CCDC137: variants seen among roughly 807,000 people sequenced by gnomAD.
CCDC137 encodes the protein coiled-coil domain containing 137, also known as coiled-coil domain-containing protein 137.
CCDC137 carries 24 observed loss-of-function variants against 30.4 expected under a neutral mutation model. The observed-to-expected ratio is 0.79, with a 90% CI of 0.57 to 1.11. The LOEUF is 1.11. CCDC137 is among the 50% of genes least tolerant of loss of function. CCDC137 has a pLI of 0.00. For synonymous variants in CCDC137, 182 were observed against 155.7 expected (o/e 1.17, Z -1.26); for missense variants, 417 against 380.4 (o/e 1.10, Z -0.80).
At chr17:81,671,966 T>G in intron 4 of CCDC137, 110 bp from the exon 5 acceptor site, 1 of 1,453,094 alleles carries the variant, frequency 6.9e-7, no homozygotes, top group Non-Finnish European at 9.6e-7. Flanking sequence ...ACTGGATGAG[T>G]TGGTGTTCTG....
At chr17:81,667,699 C>G in intron 1 of CCDC137, 30 bp from the exon 2 acceptor site, 1 of 1,611,154 alleles carries the variant, frequency 6.2e-7, no homozygotes, top group African/African-American at 1.3e-5. Flanking sequence ...TTACTTGGGA[C>G]GGGTCTCACC....
At chr17:81,672,411 C>T (rs1057478132) in intron 5 of CCDC137, 84 bp from the exon 6 acceptor site, 52 of 1,319,608 alleles carry the variant, frequency 3.9e-5, no homozygotes, top group Non-Finnish European at 4.4e-5. Context: ...TTCTCGCTGG[C>T]GGGAGAGCTG....
At chr17:81,671,640 C>A in intron 3 of CCDC137, 104 bp from the exon 4 acceptor site, 1 of 1,143,264 alleles carries the variant, frequency 8.7e-7, no homozygotes, top group Non-Finnish European at 1.3e-6. Flanking sequence ...TTCTTGGGTC[C>A]CTGCTCTGCC....
rs748146095 is a variant in CCDC137 at position 81,672,637 on chromosome 17, G to GGCAGCA, written c.809_814dup (p.Gln270_Gln271dup). On this transcript the variant is annotated inframe_insertion, in exon 6 of 6. Coordinates refer to ENST00000329214, the MANE Select transcript of CCDC137 (RefSeq NM_199287.3). ...CAGGCCTACAGAGCGTTGAAGCAGCGGCAGCAGCAGCTGCACGGGGAGCGA... is the reference window on the plus strand; with the variant it reads ...CAGGCCTACAGAGCGTTGAAGCAGCGGCAGCAGCAGCAGCAGCTGCACGGGGAGCGA... 1.2e-6 allele frequency: 2 copies of GGCAGCA among 1,600,468 alleles called. No homozygotes were observed. Among genetic ancestry groups the GGCAGCA allele is most frequent in the Non-Finnish European group, 1.7e-6 (2 of 1,174,710 alleles).
At position 81,672,105 on chromosome 17, in the gene CCDC137, C is replaced by T. The variant is rs757915022; in HGVS notation, c.610C>T (p.Gln204Ter). ...DTVKFGEVVL[Q>*]PPELTARPQR... ...GGTGAAGTTTGGTGAGGTTGTCCTGCAGCCCCCAGAGCTGACTGCCAGGCC... is the reference window on the plus strand; with the variant it reads ...GGTGAAGTTTGGTGAGGTTGTCCTGTAGCCCCCAGAGCTGACTGCCAGGCC... Residue 204 changes from glutamine (Q) to a stop codon, truncating the protein, a stop_gained, in exon 5 of 6, where the codon CAG becomes TAG. Transcript: ENST00000329214. LOFTEE classifies it low-confidence loss of function (END_TRUNC). The T allele has an allele frequency of 2.5e-6, 4 of 1,614,120 alleles. No individual in the cohort carries two copies. The Admixed American group carries it at 6.7e-5, about 27-fold the overall frequency.
Position 81,666,796 on chromosome 17 carries a change from G to T in CCDC137, c.30G>T (p.Val10=). 2.7e-6 allele frequency: 4 copies of T among 1,465,490 alleles called. No homozygotes were observed. Among genetic ancestry groups the T allele is most frequent in the Non-Finnish European group, 2.7e-6 (3 of 1,113,850 alleles). The allele number at this position is 1,465,490 out of a possible 1,614,324, so 90.8% of individuals were successfully genotyped here. A position where few individuals can be genotyped will look rare whatever the true frequency, so the allele number is the denominator to read the frequency against. The change falls in exon 1 of 6, where the codon GTG becomes GTT. Residue 10 remains valine, a synonymous_variant. Transcript: ENST00000329214. MAGAGRGAA[V]SRVQAGPGSP... is the part of the protein sequence containing the mutation. ...CGGGAGCTGGTCGCGGAGCAGCGGT[G>T]TCCAGGGTGCAGGCGGGTCCTGGGA...
chr17:81,666,925 G>A, intron 1 of CCDC137, 25 bp downstream of exon 1: 5 of 1,250,920 alleles, frequency 4.0e-6, no homozygotes, highest in Non-Finnish European at 5.0e-6. Context: ...CCGCGAGGCC[G>A]CCACACTTCC....
intron 2 of CCDC137, among the ~76,000 whole-genome samples, chr17:81,669,149 CA>C (rs2036687224): frequency 1.3e-5 from 2 of 151,892 alleles, no homozygotes; most frequent in Non-Finnish European, 2.9e-5. Context: ...CTCAGCCTCC[CA>C]AAGTGCTGGG....
rs532138987 is a variant in CCDC137, at chr17:81,671,854, G to T, written c.580+28G>T. The T allele has an allele frequency of 3.7e-6, 6 of 1,611,840 alleles. No individual in the cohort carries two copies. The Admixed American group carries it at 1.0e-4, about 27-fold the overall frequency. On this transcript the variant is annotated intron_variant, in intron 4 of 5. Coordinates refer to ENST00000329214, the MANE Select transcript of CCDC137 (RefSeq NM_199287.3). ...AGCTCTTCCCAAAGCGATGGTGTCA[G>T]CAGTGGTCCGGGTGGGGCCTGGGCG...
intron 3 of CCDC137, among the ~76,000 whole-genome samples, chr17:81,670,689 C>T (rs1283460344): frequency 1.3e-5 from 2 of 152,194 alleles, no homozygotes; most frequent in Non-Finnish European, 2.9e-5. Context: ...CTCGCTTGGT[C>T]CTTGCTTTCA....
At chr17:81,668,259 C>T (rs1488303453) in intron 2 of CCDC137, among the ~76,000 whole-genome samples, 2 of 152,186 alleles carry the variant, frequency 1.3e-5, no homozygotes, top group Non-Finnish European at 2.9e-5. Context: ...GGCGGGGCTA[C>T]TGCCAGGGAG....
chr17:81,671,970 T>G (rs1295078260), intron 4 of CCDC137, 106 bp from the exon 5 acceptor site: 2 of 1,462,748 alleles, frequency 1.4e-6, no homozygotes, highest in Admixed American at 3.5e-5. Flanking sequence ...GATGAGTTGG[T>G]GTTCTGTCCC....
Position 81,672,648 on chromosome 17 carries a change from C to A in CCDC137, c.814C>A (p.Leu272Met), listed in dbSNP as rs766065168. The change falls in exon 6 of 6, where the codon CTG becomes ATG. Residue 272 changes from leucine to methionine, a missense_variant. Physicochemically the swap from Leu to Met is conservative, Grantham distance 15. Coordinates refer to ENST00000329214, the MANE Select transcript of CCDC137 (RefSeq NM_199287.3). ...AGCGTTGAAGCAGCGGCAGCAGCAG[C>A]TGCACGGGGAGCGACCCCACCTCAC... ...YRALKQRQQQ[L>M]HGERPHLTSR... The A allele has an allele frequency of 6.9e-6, 11 of 1,601,182 alleles. No homozygotes were observed. The highest frequency in any genetic ancestry group is 8.5e-6 in the Non-Finnish European group (10 of 1,175,082).
At chr17:81,671,650 C>T in intron 3 of CCDC137, 94 bp from the exon 4 acceptor site, 1 of 1,284,108 alleles carries the variant, frequency 7.8e-7, no homozygotes, top group Non-Finnish European at 1.1e-6. Flanking sequence ...CCTGCTCTGC[C>T]ACAGGGGATC....
intron 4 of CCDC137, 73 bp from the exon 5 acceptor site, chr17:81,672,003 C>T (rs1211948028): frequency 3.9e-6 from 6 of 1,542,906 alleles, no homozygotes; most frequent in Non-Finnish European, 5.4e-6. Flanking sequence ...GGGAGGTGGG[C>T]GGGTGGTGGC....
At chr17:81,671,542 G>A in intron 3 of CCDC137, 1 of 574,092 alleles carries the variant, frequency 1.7e-6, no homozygotes, top group South Asian at 2.0e-5. Context: ...GGACCTGTGA[G>A]GGGCCTGTTG....
rs763062847 is a variant in CCDC137 at position 81,671,824 on chromosome 17, G to C, written c.578G>C (p.Arg193Pro). 1.2e-6 allele frequency: 2 copies of C among 1,613,298 alleles called. No homozygotes were observed. The highest frequency in any genetic ancestry group is 1.1e-5 in the South Asian group (1 of 91,012). The change falls in exon 4 of 6, where the codon CGA becomes CCA. Residue 193 changes from arginine (R) to proline (P), a missense_variant and splice_region_variant. Arg to Pro is a moderately radical substitution (Grantham distance 103). Coordinates refer to ENST00000329214, the MANE Select transcript of CCDC137 (RefSeq NM_199287.3). Reference protein sequence around the residue: ...AADRLEQELLRDTVKFGEVVL... With the variant: ...AADRLEQELLPDTVKFGEVVL... ...GACAGGCTGGAGCAGGAGTTGCTCC[G>C]AGGTAGCTCTTCCCAAAGCGATGGT...
chr17:81,671,183 C>G (rs1347052551), intron 3 of CCDC137, among the ~76,000 whole-genome samples: 1 of 151,854 alleles, frequency 6.6e-6, no homozygotes, highest in Non-Finnish European at 1.5e-5. Flanking sequence ...TTGCTTTCAG[C>G]TCTGTAGATT....
rs2036736800 is a variant in CCDC137, at chr17:81,672,710, A to G, written c.*6A>G. The G allele has an allele frequency of 1.3e-6, 2 of 1,569,774 alleles. No individual in the cohort carries two copies. Among genetic ancestry groups the G allele is most frequent in the Non-Finnish European group, 1.7e-6 (2 of 1,157,718 alleles). ...AGCCAGAGCCGCAGCTGTGATGGAG[A>G]GACACCCGGGGCCTGGCCACGCTCT... On this transcript the variant is annotated 3_prime_UTR_variant, in exon 6 of 6. Transcript: ENST00000329214.
Sources: allele counts gnomAD v4.1 joint callset (sites outside exome capture counted in the v4.1 genomes callset), GRCh38; gene constraint gnomAD v4.1.1; transcripts MANE v1.5; gene names NCBI Gene and HGNC (gene_info 2026-07-23, HGNC 2026-07-21).